The following IFT80 variants were observed in gnomAD, a reference collection of about 807,000 sequenced individuals.
IFT80 encodes the protein intraflagellar transport protein 80 homolog.
Under a neutral mutation model 107.9 loss-of-function variants are expected in IFT80, and 79 were observed. The ratio of observed to expected loss-of-function variants is 0.73; its 90% CI spans 0.61 to 0.88. IFT80 has a LOEUF of 0.88. Ranked by LOEUF, IFT80 falls within the 40% of genes least tolerant of loss-of-function variation. The probability of loss-of-function intolerance (pLI) is 0.00; values close to 1 mark genes in which losing one functional copy is unlikely to be tolerated. For missense variants in IFT80, 797 were observed against 914.2 expected, an observed-to-expected ratio of 0.87 and a Z score of 1.65; for synonymous variants, 299 against 300.9, an observed-to-expected ratio of 0.99 and a Z score of 0.07.
intron 8 of IFT80, among the ~76,000 whole-genome samples, chr3:160,344,437 A>G (rs1488035733): frequency 6.6e-6 from 1 of 152,166 alleles, no homozygotes; most frequent in Non-Finnish European, 1.5e-5. Flanking sequence ...ATATACAAAA[A>G]TCAAGTCAAA....
Position 160,277,419 on chromosome 3 carries a change from C to A in IFT80, c.1986G>T (p.Met662Ile). Residue 662 changes from methionine (M) to isoleucine (I), a missense_variant, in exon 18 of 20, where the codon ATG becomes ATT. Met to Ile is a conservative substitution (Grantham distance 10). Transcript: ENST00000326448. The stretch of plus-strand genomic sequence containing the variant: ...TCCCACTAAACAGTAGTATGTGGGC[C>A]ATTTTTGATTCTTTAGATGGAAGAT... ...IKNLPSKESK[M>I]AHILLFSGNI... The A allele has an allele frequency of 6.2e-7, 1 of 1,611,096 alleles. No homozygotes were observed. Among genetic ancestry groups the A allele is most frequent in the Non-Finnish European group, 8.5e-7 (1 of 1,177,496 alleles).
At chr3:160,264,281 TTTTTTTGGTAGAGACAAGA>T (rs1276802393) in intron 19 of IFT80, among the ~76,000 whole-genome samples, 1 of 150,752 alleles carries the variant, frequency 6.6e-6, no homozygotes, top group Non-Finnish European at 1.5e-5. Flanking sequence ...AGTTACTTTT[TTTTTTTGGTAGAGACAAGA>T]TTTCGCCATG....
At chr3:160,328,453 C>T (rs1430520617) in intron 8 of IFT80, among the ~76,000 whole-genome samples, 10 of 123,114 alleles carry the variant, frequency 8.1e-5, no homozygotes, top group Admixed American at 8.0e-4. Flanking sequence ...CAGAGGGAGA[C>T]TCCATCTCAA....
chr3:160,322,991 G>C (rs541750712), intron 8 of IFT80, among the ~76,000 whole-genome samples: 2 of 152,072 alleles, frequency 1.3e-5, no homozygotes, highest in East Asian at 1.9e-4. Flanking sequence ...TAGGTTGCCT[G>C]TTCACTCTAA....
chr3:160,273,967 C>T (rs868303695), intron 18 of IFT80, among the ~76,000 whole-genome samples: 2 of 152,096 alleles, frequency 1.3e-5, no homozygotes, highest in Non-Finnish European at 2.9e-5. Flanking sequence ...CATTCTCTTT[C>T]CTCATTACAT....
chr3:160,314,182 T>C (rs948059915), intron 9 of IFT80, among the ~76,000 whole-genome samples: 1 of 152,192 alleles, frequency 6.6e-6, no homozygotes, highest in Non-Finnish European at 1.5e-5. Context: ...GCTCTTATTT[T>C]TACAAGACAT....
At position 160,319,879 on chromosome 3, in the gene IFT80, C is replaced by T. The variant is rs765612543; in HGVS notation, c.838G>A (p.Asp280Asn). The change falls in exon 9 of 20, where the codon GAT (aspartate) becomes AAT (asparagine). Residue 280 changes from aspartate (D) to asparagine (N), a missense_variant. Coordinates refer to ENST00000326448, the MANE Select transcript of IFT80 (RefSeq NM_020800.3). ...GSIFNIAWSI[D>N]GTQIAGACGN... Reference sequence around the variant, plus strand: ...CAGGCTCCAGCAATCTGAGTGCCATCGATAGACCATGCAATATTAAATATG... The same window carrying T: ...CAGGCTCCAGCAATCTGAGTGCCATTGATAGACCATGCAATATTAAATATG... The T allele has an allele frequency of 6.2e-6, 10 of 1,612,542 alleles. No individual in the cohort carries two copies. The highest frequency in any genetic ancestry group is 2.2e-5 in the East Asian group (1 of 44,840).
Position 160,280,673 on chromosome 3 carries a change from T to A in IFT80, c.1658A>T (p.Asp553Val), listed in dbSNP as rs748884261. 2 of 1,611,458 alleles carry A rather than the reference T, an allele frequency of 1.2e-6. No individual in the cohort carries two copies. The highest frequency in any genetic ancestry group is 2.2e-5 in the South Asian group (2 of 91,010). ...ATACGCAGTAAAATGTTACCTTGCA[T>A]CCCTTTCATATAATGTTTTAGGCAA... Reference protein sequence around the residue: ...DILPKTLYERDASEFSKNPHI... With the variant: ...DILPKTLYERVASEFSKNPHI... The change falls in exon 15 of 20, where the codon GAT becomes GTT. Residue 553 changes from aspartate (D) to valine (V), a missense_variant. Physicochemically the swap from Asp to Val is radical, Grantham distance 152. Coordinates refer to ENST00000326448, the MANE Select transcript of IFT80 (RefSeq NM_020800.3).
chr3:160,301,784 T>G (rs551536721), intron 11 of IFT80, among the ~76,000 whole-genome samples: 1 of 152,064 alleles, frequency 6.6e-6, no homozygotes, highest in Admixed American at 6.5e-5. Context: ...ACAAAATAAT[T>G]CAAGCAATAC....
chr3:160,356,087 C>T lies in IFT80; in HGVS notation c.703G>A (p.Val235Ile). ...AATTCTCCATCTGGAGCCCAGGCAA[C>T]TGAAGTAATGGGATGCTCATGAGGT... Reference protein sequence around the residue: ...SQPHEHPITSVAWAPDGELFA... With the variant: ...SQPHEHPITSIAWAPDGELFA... Residue 235 changes from valine to isoleucine, a missense_variant, in exon 8 of 20, where the codon GTT becomes ATT. Coordinates refer to ENST00000326448, the MANE Select transcript of IFT80 (RefSeq NM_020800.3). 1 of 1,614,166 alleles carries T rather than the reference C, an allele frequency of 6.2e-7. No individual in the cohort carries two copies.
At chr3:160,292,789 T>A (rs957497092) in intron 12 of IFT80, among the ~76,000 whole-genome samples, 1 of 152,138 alleles carries the variant, frequency 6.6e-6, no homozygotes, top group Non-Finnish European at 1.5e-5. Flanking sequence ...AGGACGCTGG[T>A]ATGGCAAAAC....
intron 6 of IFT80, among the ~76,000 whole-genome samples, chr3:160,365,031 CA>C (rs1021068323): frequency 1.1e-3 from 172 of 151,114 alleles, no homozygotes; most frequent in African/African-American, 4.0e-3. Flanking sequence ...AACAAATTCA[CA>C]TAACTATAAA....
chr3:160,305,346 C>A (rs1032540830), intron 10 of IFT80, among the ~76,000 whole-genome samples: 2 of 151,806 alleles, frequency 1.3e-5, no homozygotes, highest in African/African-American at 2.4e-5. Flanking sequence ...AATACATGGA[C>A]AAAGCAAAAT....
chr3:160,286,451 G>A (rs1475930785), intron 12 of IFT80, among the ~76,000 whole-genome samples: 1 of 152,156 alleles, frequency 6.6e-6, no homozygotes, highest in Non-Finnish European at 1.5e-5. Context: ...GGAATTCAGT[G>A]GGCATGAAGA....
chr3:160,386,281 G>C (rs930240859), intron 1 of IFT80, among the ~76,000 whole-genome samples: 3 of 152,096 alleles, frequency 2.0e-5, no homozygotes, highest in African/African-American at 4.8e-5. Flanking sequence ...CTTTCATGTG[G>C]GATTGAATGA....
intron 5 of IFT80, among the ~76,000 whole-genome samples, chr3:160,371,337 A>T (rs952929981): frequency 8.6e-5 from 13 of 151,256 alleles, no homozygotes; most frequent in Non-Finnish European, 8.9e-5. Context: ...CAATACATTC[A>T]CTCTCCCCAG....
chr3:160,323,274 C>T (rs1373383697), intron 8 of IFT80, among the ~76,000 whole-genome samples: 1 of 149,562 alleles, frequency 6.7e-6, no homozygotes, highest in African/African-American at 2.5e-5. Flanking sequence ...GTTTTCCCAG[C>T]ACCATTTATT....
chr3:160,355,835 A>C (rs1226523872), intron 8 of IFT80, among the ~76,000 whole-genome samples, 178 bp downstream of exon 8: 1 of 152,228 alleles, frequency 6.6e-6, no homozygotes, highest in African/African-American at 2.4e-5. Context: ...TTCAAACTTA[A>C]ACAGATTTTG....
intron 8 of IFT80, among the ~76,000 whole-genome samples, chr3:160,327,891 G>A (rs1254296110): frequency 6.6e-6 from 1 of 152,056 alleles, no homozygotes; most frequent in East Asian, 1.9e-4. Context: ...CATCAACAGG[G>A]TAAAGAGACA....
Sources: gnomAD v4.1 joint callset for allele counts (sites outside exome capture counted in the v4.1 genomes callset) on GRCh38, gnomAD v4.1.1 for gene constraint, MANE v1.5 for transcripts, NCBI Gene and HGNC (gene_info 2026-07-23, HGNC 2026-07-21) for gene names.